ADGRE3: variants seen among roughly 807,000 people sequenced by gnomAD.
ADGRE3 encodes the protein adhesion G protein-coupled receptor E3, also known as EGF-like module receptor 3.
In ADGRE3, 88 loss-of-function variants were observed where a neutral mutation model predicts 80.1. The ratio of observed to expected loss-of-function variants is 1.10; its 90% confidence interval spans 0.93 to 1.31. The LOEUF is 1.31. Ranked by LOEUF, ADGRE3 falls within the 40% of genes most tolerant of loss-of-function variation. ADGRE3 has a pLI of 0.00. For synonymous variants in ADGRE3, 281 were observed against 294.8 expected (o/e 0.95, Z 0.48); for missense variants, 715 against 776.5 (o/e 0.92, Z 0.94).
At chr19:14,636,799 A>G (rs1971103311) in intron 11 of ADGRE3, among the ~76,000 whole-genome samples, 1 of 152,084 alleles carries the variant, frequency 6.6e-6, no homozygotes, top group African/African-American at 2.4e-5. Context: ...AATATTATAA[A>G]ACATGAAGTT....
chr19:14,657,413 T>G (rs1413815234), intron 5 of ADGRE3, among the ~76,000 whole-genome samples: 1 of 152,166 alleles, frequency 6.6e-6, no homozygotes, highest in Non-Finnish European at 1.5e-5. Context: ...CTTAATATAC[T>G]CTCTCTTGGC....
chr19:14,666,049 T>C lies in ADGRE3; in HGVS notation c.77-2509A>G, dbSNP rs556498074. Among the ~76,000 whole-genome samples, 127 of 147,342 alleles carry C rather than the reference T, an allele frequency of 8.6e-4. 1 individual carries two copies. The highest frequency in any genetic ancestry group is 3.0e-3 in the African/African-American group (122 of 40,478). On this transcript the variant is annotated intron_variant, in intron 2 of 15. Transcript: ENST00000253673. ...TCCATATTTTTGCAATTGTGATTTGTACTGCTATAAACATGCTTGTGCAAG... is the reference window on the plus strand; with the variant it reads ...TCCATATTTTTGCAATTGTGATTTGCACTGCTATAAACATGCTTGTGCAAG...
chr19:14,656,000 A>G (rs1211101549), intron 5 of ADGRE3, among the ~76,000 whole-genome samples: 1 of 152,010 alleles, frequency 6.6e-6, no homozygotes, highest in Non-Finnish European at 1.5e-5. Context: ...GATGAAGGAC[A>G]TGGACACACA....
intron 7 of ADGRE3, among the ~76,000 whole-genome samples, chr19:14,649,459 C>A (rs554554562): frequency 8.4e-6 from 1 of 118,924 alleles, no homozygotes; most frequent in East Asian, 3.1e-4. Context: ...TCTCTTTCCA[C>A]CTTTTTCCCC....
Position 14,638,356 on chromosome 19 carries a change from G to C in ADGRE3, c.1249-16C>G. On this transcript the variant is annotated splice_polypyrimidine_tract_variant and intron_variant, in intron 10 of 15. Transcript: ENST00000253673. ...AGCACAGCACCTGGGGGAGGAGAAA[G>C]GGATGCCTGAAGGGGTTGTCAGGGT... The C allele has an allele frequency of 6.2e-7, 1 of 1,605,272 alleles. No individual in the cohort carries two copies. The highest frequency in any genetic ancestry group is 8.5e-7 in the Non-Finnish European group (1 of 1,172,260).
At chr19:14,646,681 C>T (rs1287300949) in intron 8 of ADGRE3, among the ~76,000 whole-genome samples, 1 of 108,044 alleles carries the variant, frequency 9.3e-6, no homozygotes. Flanking sequence ...CCCTCCCTCC[C>T]TCCCTCCCTC....
In ADGRE3 at chr19:14,662,118, T is replaced by C. The variant is rs755491337; in HGVS notation, c.200A>G (p.Asp67Gly). Residue 67 changes from aspartate to glycine, a missense_variant and splice_region_variant, in exon 4 of 16, where the codon GAC becomes GGC. By Grantham distance (94) the Asp-to-Gly change is moderately conservative (BLOSUM62 -1). Coordinates refer to ENST00000253673, the MANE Select transcript of ADGRE3 (RefSeq NM_032571.5). The part of the protein sequence containing the change: ...LFTFPLETCN[D>G]INECTPPYSV... Reference sequence around the variant, plus strand: ...ATAGGGTGGTGTACATTCATTAATGTCTGGAACACAAAGAAGCAATTGGGT... The same window carrying C: ...ATAGGGTGGTGTACATTCATTAATGCCTGGAACACAAAGAAGCAATTGGGT... 1 of 1,613,820 alleles carries C rather than the reference T, an allele frequency of 6.2e-7. No individual in the cohort carries two copies.
intron 10 of ADGRE3, among the ~76,000 whole-genome samples, chr19:14,638,758 A>G (rs898819980): frequency 6.6e-6 from 1 of 152,078 alleles, no homozygotes; most frequent in Non-Finnish European, 1.5e-5. Context: ...AAGACTTTGT[A>G]TACTTTGAGC....
At chr19:14,674,232 C>A (rs1599660930) in intron 1 of ADGRE3, among the ~76,000 whole-genome samples, 1 of 152,242 alleles carries the variant, frequency 6.6e-6, no homozygotes, top group African/African-American at 2.4e-5. Context: ...TGCGGTGGCT[C>A]ATGCCTGTAA....
chr19:14,627,471 A>G (rs1461696602), intron 14 of ADGRE3, among the ~76,000 whole-genome samples: 1 of 152,064 alleles, frequency 6.6e-6, no homozygotes, highest in Non-Finnish European at 1.5e-5. Context: ...TCTGCCTGCC[A>G]GGTTAAAGTG....
intron 10 of ADGRE3, among the ~76,000 whole-genome samples, chr19:14,641,171 C>A (rs1292501507): frequency 6.6e-6 from 1 of 152,150 alleles, no homozygotes; most frequent in African/African-American, 2.4e-5. Context: ...GAGAATGCCT[C>A]GTTACCTGGG....
chr19:14,636,312 C>A (rs746317843), intron 11 of ADGRE3, among the ~76,000 whole-genome samples: 1 of 149,440 alleles, frequency 6.7e-6, no homozygotes, highest in African/African-American at 2.5e-5. Flanking sequence ...TTCCACCTCC[C>A]GGGTTCAAGC....
At chr19:14,621,952 CT>C (rs1970616313) in intron 15 of ADGRE3, 1 of 1,025,460 alleles carries the variant, frequency 9.8e-7, no homozygotes, top group Admixed American at 2.5e-5. Flanking sequence ...CATCCTTCTC[CT>C]TACAATGGGA....
chr19:14,634,632 G>A (rs1970983697), intron 11 of ADGRE3, among the ~76,000 whole-genome samples: 1 of 152,144 alleles, frequency 6.6e-6, no homozygotes, highest in Admixed American at 6.6e-5. Context: ...AGCACTGTGA[G>A]GTTGGAACAA....
At chr19:14,670,938 C>T (rs900413465) in intron 1 of ADGRE3, among the ~76,000 whole-genome samples, 4 of 152,212 alleles carry the variant, frequency 2.6e-5, no homozygotes, top group African/African-American at 7.2e-5. Context: ...TGTAGGTTGG[C>T]ATGTTTATTG....
rs537523777 is a variant in ADGRE3 at position 14,659,494 on chromosome 19, G to A, written c.356-944C>T. Among the ~76,000 whole-genome samples, 27 of 152,182 alleles carry A rather than the reference G, an allele frequency of 1.8e-4. No homozygotes were observed. The South Asian group carries it at 3.5e-3, about 20-fold the overall frequency. On this transcript the variant is annotated intron_variant, in intron 4 of 15. Transcript: ENST00000253673. ...TGTCTGGTCATCAGCTGTTAATGAA[G>A]ACTTTTGTGTTGGTTTCTGTGCTTA...
chr19:14,663,676 T>C lies in ADGRE3; in HGVS notation c.77-136A>G. On this transcript the variant is annotated intron_variant, in intron 2 of 15. Coordinates refer to ENST00000253673, the MANE Select transcript of ADGRE3 (RefSeq NM_032571.5). Reference sequence around the variant, plus strand: ...CAACATACTGAAACCCCATTTCTACTAAAAATACCAAAAATAGCCAGGCGT... The same window carrying C: ...CAACATACTGAAACCCCATTTCTACCAAAAATACCAAAAATAGCCAGGCGT... The C allele has an allele frequency of 2.1e-5, 22 of 1,059,566 alleles. No individual in the cohort carries two copies. In the South Asian group the frequency reaches 4.2e-4, roughly 20 times the overall value. 65.6% of individuals were successfully genotyped at this position (1,059,566 alleles called of 1,614,324 possible). A position where few individuals can be genotyped will look rare whatever the true frequency, so the allele number is the denominator to read the frequency against.
At chr19:14,660,918 G>A (rs1452145098) in intron 4 of ADGRE3, among the ~76,000 whole-genome samples, 3 of 150,906 alleles carry the variant, frequency 2.0e-5, no homozygotes, top group Non-Finnish European at 3.0e-5. Flanking sequence ...GATCTGGAGC[G>A]GGTTGGTGGT....
rs1970930371 is a variant in ADGRE3, at chr19:14,633,092, T to C, written c.1552-80A>G. ...CACTTTAAATTGCACACAGGAGTCC[T>C]ACCCTCTTGTACATGGGACTGAATT... is the stretch of plus-strand genomic sequence containing the variant. On this transcript the variant is annotated intron_variant, in intron 12 of 15. Coordinates refer to ENST00000253673, the MANE Select transcript of ADGRE3 (RefSeq NM_032571.5). 4.0e-6 allele frequency: 5 copies of C among 1,257,030 alleles called. No homozygotes were observed. In the East Asian group the frequency reaches 1.2e-4, roughly 30 times the overall value. The allele number at this position is 1,257,030 out of a possible 1,614,324, so 77.9% of individuals were successfully genotyped here. A position where few individuals can be genotyped will look rare whatever the true frequency, so the allele number is the denominator to read the frequency against.
Sources: gnomAD v4.1 joint callset for allele counts (sites outside exome capture counted in the v4.1 genomes callset) on GRCh38, gnomAD v4.1.1 for gene constraint, MANE v1.5 for transcripts, NCBI Gene and HGNC (gene_info 2026-07-23, HGNC 2026-07-21) for gene names.